TRPM4: variants seen among roughly 807,000 people sequenced by gnomAD.
TRPM4 encodes transient receptor potential cation channel subfamily M member 4.
In TRPM4, 124 loss-of-function variants were observed where a neutral mutation model predicts 135.6. The observed-to-expected ratio is 0.91, with a 90% CI of 0.79 to 1.06. The LOEUF (loss-of-function observed/expected upper bound fraction) is 1.06, where lower values mean the gene tolerates loss of function less well. Ranked by LOEUF, TRPM4 falls within the 50% of genes least tolerant of loss-of-function variation. TRPM4 has a pLI of 0.00. For missense variants in TRPM4, 1,658 were observed against 1,671.4 expected (o/e 0.99, Z 0.14); for synonymous variants, 745 against 705.6 (o/e 1.06, Z -0.88).
chr19:49,168,820 C>G (rs995305838), intron 6 of TRPM4, 84 bp downstream of exon 6: 7 of 1,425,638 alleles, frequency 4.9e-6, no homozygotes, highest in South Asian at 1.2e-5. Flanking sequence ...TTGGTCTGGT[C>G]GAGATTTGGG....
At chr19:49,195,869 T>TTTATTATTATTATTATTATTATTATTA (rs746763684) in intron 16 of TRPM4, among the ~76,000 whole-genome samples, 7 of 148,762 alleles carry the variant, frequency 4.7e-5, no homozygotes, top group African/African-American at 1.7e-4. Flanking sequence ...TTTTATTTAT[T>TTTATTATTATTATTATTATTATTATTA]TTATTATTAT....
chr19:49,165,998 C>G, intron 2 of TRPM4, 43 bp from the exon 3 acceptor site: 1 of 1,550,630 alleles, frequency 6.4e-7, no homozygotes, highest in African/African-American at 1.4e-5. Context: ...GTGCTGGGGT[C>G]GGGGGGCAGC....
intron 17 of TRPM4, among the ~76,000 whole-genome samples, chr19:49,197,600 CT>C (rs1968745607): frequency 6.6e-6 from 1 of 151,362 alleles, no homozygotes; most frequent in African/African-American, 2.4e-5. Context: ...GATACTCCTC[CT>C]TTTGAGGAGA....
At chr19:49,191,960 T>C (rs542305358) in intron 16 of TRPM4, among the ~76,000 whole-genome samples, 1 of 152,308 alleles carries the variant, frequency 6.6e-6, no homozygotes, top group Non-Finnish European at 1.5e-5. Flanking sequence ...CAGAAATTGA[T>C]TTTCTTCATG....
At chr19:49,209,650 G>T (rs2145994176) in intron 20 of TRPM4, among the ~76,000 whole-genome samples, 1 of 151,566 alleles carries the variant, frequency 6.6e-6, no homozygotes. Context: ...TAACTTTGGA[G>T]CCCAACTTTA....
intron 13 of TRPM4, 86 bp downstream of exon 13, chr19:49,188,856 C>T (rs1269252007): frequency 1.2e-6 from 2 of 1,612,374 alleles, no homozygotes; most frequent in African/African-American, 1.3e-5. Context: ...CATATCCCTG[C>T]GCCATCCCCT....
In TRPM4 at chr19:49,211,397, T is replaced by G; in HGVS notation, c.3641-97T>G. On this transcript the variant is annotated intron_variant, in intron 24 of 24. Coordinates refer to ENST00000252826, the MANE Select transcript of TRPM4 (RefSeq NM_017636.4). The surrounding 1 kb of genome is among the most constrained non-coding windows in gnomAD (Gnocchi z 4.8). ...GGTCTCCTTTGAGCCTTTTGTACTCTCGCCTTCGTCTTTCTTCTTTTTTGC... is the reference window on the plus strand; with the variant it reads ...GGTCTCCTTTGAGCCTTTTGTACTCGCGCCTTCGTCTTTCTTCTTTTTTGC... 6.2e-7 allele frequency: 1 copy of G among 1,601,348 alleles called. No individual in the cohort carries two copies. The highest frequency in any genetic ancestry group is 8.5e-7 in the Non-Finnish European group (1 of 1,171,592).
At chr19:49,160,261 C>T (rs1408352590) in intron 2 of TRPM4, among the ~76,000 whole-genome samples, 1 of 152,138 alleles carries the variant, frequency 6.6e-6, no homozygotes, top group Admixed American at 6.6e-5. Context: ...GAGGCCGAGG[C>T]GGGTGGATCA....
At position 49,166,122 on chromosome 19, in the gene TRPM4, G is replaced by T; in HGVS notation, c.174G>T (p.Val58=). The change falls in exon 3 of 25, where the codon GTG becomes GTT. Residue 58 remains valine, a synonymous_variant. Transcript: ENST00000252826. ...AGGATGCCTTCGGGGCAGCCGTGGT[G>T]ACCGTGTGGGACAGCGATGCACACA... The part of the protein sequence containing the change: ...AMEDAFGAAV[V]TVWDSDAHTT... 6.2e-7 allele frequency: 1 copy of T among 1,605,068 alleles called. No homozygotes were observed. Among genetic ancestry groups the T allele is most frequent in the South Asian group, 1.1e-5 (1 of 89,518 alleles).
chr19:49,194,201 TCTC>T (rs1296962658), intron 16 of TRPM4, among the ~76,000 whole-genome samples: 1 of 143,208 alleles, frequency 7.0e-6, no homozygotes, highest in Non-Finnish European at 1.5e-5. Flanking sequence ...TCATCCTCCT[TCTC>T]CTGCTCCTCC....
Position 49,210,629 on chromosome 19 carries a change from G to C in TRPM4, c.3329-81G>C, listed in dbSNP as rs1969319780. The C allele has an allele frequency of 1.1e-5, 18 of 1,604,936 alleles. No individual in the cohort carries two copies. Among genetic ancestry groups the C allele is most frequent in the Middle Eastern group, 1.7e-4 (1 of 6,050 alleles). On this transcript the variant is annotated intron_variant, in intron 21 of 24. Coordinates refer to ENST00000252826, the MANE Select transcript of TRPM4 (RefSeq NM_017636.4). The surrounding 1 kb of genome is among the most constrained non-coding windows in gnomAD (Gnocchi z 4.1). ...AGGGGCTGGGTCTGGGATAGCGTGC[G>C]TGTTCTGAGGGTGTCGGAAGGGGCA...
chr19:49,188,693 T>C lies in TRPM4; in HGVS notation c.1796T>C (p.Met599Thr). Residue 599 changes from methionine (M) to threonine (T), a missense_variant, in exon 13 of 25, where the codon ATG becomes ACG. Around this residue, in one of 3 missense-constraint regions of TRPM4, gnomAD observed 1,412 missense variants for 1,408.7 expected, o/e 1.00. Transcript: ENST00000252826. ...ALGACLLLRV[M>T]ARLEPDAEEA... is the part of the protein sequence containing the mutation. ...GGGGCCTGTTTGCTGCTCCGGGTGATGGCACGCCTGGAGCCTGACGCTGAG... is the reference window on the plus strand; with the variant it reads ...GGGGCCTGTTTGCTGCTCCGGGTGACGGCACGCCTGGAGCCTGACGCTGAG... 6.2e-7 allele frequency: 1 copy of C among 1,614,152 alleles called. No individual in the cohort carries two copies.
Position 49,211,283 on chromosome 19 carries a change from A to G in TRPM4, c.3640+14A>G, listed in dbSNP as rs1202804852. On this transcript the variant is annotated intron_variant, in intron 24 of 24. Transcript: ENST00000252826. The surrounding 1 kb of genome is among the most constrained non-coding windows in gnomAD (Gnocchi z 4.8). ...CTGGGTCCAAAGGTCAGTGTGTAGCATCAGCCTGTGCATCTCCAGCCTCTG... is the reference window on the plus strand; with the variant it reads ...CTGGGTCCAAAGGTCAGTGTGTAGCGTCAGCCTGTGCATCTCCAGCCTCTG... 1 of 1,577,718 alleles carries G rather than the reference A, an allele frequency of 6.3e-7. No homozygotes were observed. The highest frequency in any genetic ancestry group is 8.6e-7 in the Non-Finnish European group (1 of 1,162,910).
Position 49,193,908 on chromosome 19 carries a change from G to A in TRPM4, c.2211-2532G>A, listed in dbSNP as rs540022118. Among the ~76,000 whole-genome samples, 136 of 131,920 alleles carry A rather than the reference G, an allele frequency of 1.0e-3. 1 individual carries two copies. In the South Asian group the frequency reaches 0.033, roughly 32 times the overall value. The allele number at this position is 131,920 out of a possible 152,430, so 86.5% of individuals were successfully genotyped here. ...TGTCATCCTCCTTCTCCTCCTCCTC[G>A]TCATCCTCCTTCTCCTCCTCCTCTT... On this transcript the variant is annotated intron_variant, in intron 16 of 24. Coordinates refer to ENST00000252826, the MANE Select transcript of TRPM4 (RefSeq NM_017636.4).
intron 17 of TRPM4, among the ~76,000 whole-genome samples, chr19:49,198,646 C>CA (rs35173042): frequency 0.015 from 1,077 of 72,234 alleles, 5 homozygotes; most frequent in East Asian, 0.063. Context: ...AAAACTCTGT[C>CA]AAAAAAAAAA....
At chr19:49,187,196 T>TC (rs111971052) in intron 12 of TRPM4, among the ~76,000 whole-genome samples, 1 of 105,962 alleles carries the variant, frequency 9.4e-6, no homozygotes, top group East Asian at 3.0e-4. Context: ...CATTTTCTTG[T>TC]TTTTTTTTTT....
chr19:49,206,787 G>C (rs112407705), intron 20 of TRPM4, among the ~76,000 whole-genome samples: 1 of 152,120 alleles, frequency 6.6e-6, no homozygotes, highest in Non-Finnish European at 1.5e-5. Context: ...AGATTGCTTC[G>C]GGTAGTATTG....
At position 49,210,520 on chromosome 19, in the gene TRPM4, C is replaced by A; in HGVS notation, c.3328+115C>A. The A allele has an allele frequency of 1.4e-6, 2 of 1,450,846 alleles. No individual in the cohort carries two copies. Among genetic ancestry groups the A allele is most frequent in the South Asian group, 2.4e-5 (2 of 84,532 alleles). 89.9% of individuals were successfully genotyped at this position (1,450,846 alleles called of 1,614,324 possible). On this transcript the variant is annotated intron_variant, in intron 21 of 24. Transcript: ENST00000252826. This position sits in a 1 kb window ranked among gnomAD's most constrained non-coding sequence, Gnocchi z 4.1. Reference sequence around the variant, plus strand: ...CGGGCGTGGCTTAGGTAGCGAGGGGCGGGGTTTAAGCAACAAGGGGCGGAG... The same window carrying A: ...CGGGCGTGGCTTAGGTAGCGAGGGGAGGGGTTTAAGCAACAAGGGGCGGAG...
chr19:49,179,673 A>G (rs575233514), intron 9 of TRPM4, among the ~76,000 whole-genome samples: 99 of 152,344 alleles, frequency 6.5e-4, no homozygotes, highest in African/African-American at 2.4e-3. Flanking sequence ...ATTATGAACA[A>G]TTTTGTTTCC....
Sources: gnomAD v4.1 joint callset for allele counts (sites outside exome capture counted in the v4.1 genomes callset) on GRCh38, gnomAD v4.1.1 for gene constraint, gnomAD v4.1.1 regional missense constraint, Gnocchi (gnomAD v3.1) non-coding constraint, MANE v1.5 for transcripts, NCBI Gene and HGNC (gene_info 2026-07-23, HGNC 2026-07-21) for gene names.